Variants in TMA16 observed in about 807,000 individuals in gnomAD.
TMA16 encodes translation machinery associated 16 homolog.
TMA16 carries 26 observed loss-of-function variants against 27.1 expected under a neutral mutation model. The observed-to-expected ratio is 0.96, with a 90% confidence interval of 0.70 to 1.33. TMA16 has a LOEUF of 1.33. Ranked by LOEUF, TMA16 falls within the 40% of genes most tolerant of loss-of-function variation. The pLI is 0.00. For synonymous variants in TMA16, 71 were observed against 81.9 expected, an observed-to-expected ratio of 0.87 and a Z score of 0.72; for missense variants, 233 against 241.4, an observed-to-expected ratio of 0.97 and a Z score of 0.23.
chr4:163,509,021 T>G (rs1737754808), intron 2 of TMA16, among the ~76,000 whole-genome samples: 1 of 152,220 alleles, frequency 6.6e-6, no homozygotes, highest in African/African-American at 2.4e-5. Context: ...TAGATTGGAT[T>G]TTTTCCCTTT....
chr4:163,519,930 A>G lies in TMA16; in HGVS notation c.*416A>G. On this transcript the variant is annotated 3_prime_UTR_variant, in exon 7 of 7. Coordinates refer to ENST00000358572, the MANE Select transcript of TMA16 (RefSeq NM_018352.3). ...ATAGCAAAATTGTTTTTCGGTAATA[A>G]TATCACACTAATGCTTCTTTTAAAC... 7.0e-6 allele frequency: 4 copies of G among 567,604 alleles called. No homozygotes were observed. The highest frequency in any genetic ancestry group is 5.5e-5 in the South Asian group (3 of 54,188). The allele number at this position is 567,604 out of a possible 1,614,324, so 35.2% of individuals were successfully genotyped here. A position where few individuals can be genotyped will look rare whatever the true frequency, so the allele number is the denominator to read the frequency against.
In TMA16 at chr4:163,520,039, T is replaced by C. The variant is rs1309717063; in HGVS notation, c.*525T>C. ...CATTTCTGGATTATAGATTATTATT[T>C]ATCTTTTGAACCAGAGCTAAATGGT... On this transcript the variant is annotated 3_prime_UTR_variant, in exon 7 of 7. Coordinates refer to ENST00000358572, the MANE Select transcript of TMA16 (RefSeq NM_018352.3). The C allele has an allele frequency of 1.5e-5, 9 of 608,282 alleles. No homozygotes were observed. The highest frequency in any genetic ancestry group is 2.7e-5 in the Non-Finnish European group (9 of 332,732). 37.7% of individuals were successfully genotyped at this position (608,282 alleles called of 1,614,324 possible).
rs560866032 is a variant in TMA16 at position 163,520,242 on chromosome 4, A to C, written c.*728A>C. The C allele has an allele frequency of 7.4e-5, 18 of 243,496 alleles. No homozygotes were observed. In the South Asian group the frequency reaches 2.1e-3, roughly 28 times the overall value. The allele number at this position is 243,496 out of a possible 1,614,324, so 15.1% of individuals were successfully genotyped here. On this transcript the variant is annotated 3_prime_UTR_variant, in exon 7 of 7. Coordinates refer to ENST00000358572, the MANE Select transcript of TMA16 (RefSeq NM_018352.3). ...AGAGAGAGTTGAAGATTAGGGAACC[A>C]GTGATTTTAATTATGCTACTTTTTC...
intron 1 of TMA16, among the ~76,000 whole-genome samples, chr4:163,504,458 G>C (rs10050135): frequency 0.013 from 2,003 of 152,220 alleles, 47 homozygotes; most frequent in African/African-American, 0.045. Context: ...TTACTTGGGG[G>C]TGTGATTTCA....
chr4:163,499,864 G>A (rs1737621315), intron 1 of TMA16, among the ~76,000 whole-genome samples: 1 of 152,252 alleles, frequency 6.6e-6, no homozygotes, highest in South Asian at 2.1e-4. Context: ...AATAGTTAAT[G>A]CTAATCTAAA....
At position 163,513,478 on chromosome 4, in the gene TMA16, C is replaced by T. The variant is rs143909593; in HGVS notation, c.155-596C>T. Among the ~76,000 whole-genome samples the T allele has an allele frequency of 2.3e-4, 35 of 152,166 alleles. 1 individual carries two copies. In the East Asian group the frequency reaches 4.8e-3, roughly 21 times the overall value. On this transcript the variant is annotated intron_variant, in intron 3 of 6. Coordinates refer to ENST00000358572, the MANE Select transcript of TMA16 (RefSeq NM_018352.3). The stretch of plus-strand genomic sequence containing the variant: ...GAAATCTAACTGAAAGTGACCCTGA[C>T]GGTCAGGTTTACTCACAAGGGTGAA...
At chr4:163,515,580 CTTT>C (rs1373319109) in intron 5 of TMA16, 119 bp downstream of exon 5, 1 of 1,317,292 alleles carries the variant, frequency 7.6e-7, no homozygotes, top group Non-Finnish European at 1.0e-6. Context: ...CCTTTGATGT[CTTT>C]TTCTTTGTGA....
Position 163,507,054 on chromosome 4 carries a change from A to G in TMA16, c.25A>G (p.Ser9Gly), listed in dbSNP as rs1440510631. The change falls in exon 2 of 7, where the codon AGT becomes GGT. Residue 9 changes from serine (S) to glycine (G), a missense_variant. Physicochemically the swap from Ser to Gly is moderately conservative, Grantham distance 56. Coordinates refer to ENST00000358572, the MANE Select transcript of TMA16 (RefSeq NM_018352.3). ...TTAGCCCAAAGCACCAAAGGGAAAA[A>G]GTGCAGGACGGGAAAAAAAAGTCAT... MPKAPKGKSAGREKKVIHP... is the reference protein window; with the variant it reads MPKAPKGKGAGREKKVIHP... 6.3e-7 allele frequency: 1 copy of G among 1,591,324 alleles called. No homozygotes were observed. The highest frequency in any genetic ancestry group is 1.3e-5 in the African/African-American group (1 of 74,542).
intron 1 of TMA16, among the ~76,000 whole-genome samples, chr4:163,495,956 A>G (rs1377781692): frequency 6.6e-6 from 1 of 152,204 alleles, no homozygotes; most frequent in East Asian, 1.9e-4. Flanking sequence ...TATGAAAGCA[A>G]TTACATCTCA....
chr4:163,505,990 T>C (rs1737714150), intron 1 of TMA16, among the ~76,000 whole-genome samples: 1 of 152,232 alleles, frequency 6.6e-6, no homozygotes, highest in African/African-American at 2.4e-5. Context: ...TGTTTTTCTA[T>C]ATGAATGGAT....
At position 163,511,480 on chromosome 4, in the gene TMA16, A is replaced by G. The variant is rs113891972; in HGVS notation, c.117-1342A>G. Among the ~76,000 whole-genome samples the G allele has an allele frequency of 9.2e-3, 1,400 of 152,036 alleles. 15 individuals carry two copies. The highest frequency in any genetic ancestry group is 0.042 in the South Asian group (202 of 4,824). ...AAGTCCTTTGTTATTTGTGTTATGA[A>G]TATTTTCTCCTAATCTGTAACTTAA... is the stretch of plus-strand genomic sequence containing the variant. On this transcript the variant is annotated intron_variant, in intron 2 of 6. Transcript: ENST00000358572.
intron 1 of TMA16, among the ~76,000 whole-genome samples, chr4:163,502,481 A>G (rs1325936518): frequency 6.6e-6 from 1 of 152,168 alleles, no homozygotes; most frequent in Non-Finnish European, 1.5e-5. Flanking sequence ...TATTAAGGAA[A>G]TAACACACAA....
chr4:163,517,802 C>G (rs1737903687), intron 6 of TMA16, among the ~76,000 whole-genome samples: 1 of 152,034 alleles, frequency 6.6e-6, no homozygotes, highest in Non-Finnish European at 1.5e-5. Flanking sequence ...CGTGATGGCT[C>G]AGAGTCATAT....
At chr4:163,513,000 C>G in intron 3 of TMA16, 141 bp downstream of exon 3, 1 of 553,946 alleles carries the variant, frequency 1.8e-6, no homozygotes, top group Non-Finnish European at 3.0e-6. Flanking sequence ...CAAAGCAAAT[C>G]AATCATTAAA....
intron 1 of TMA16, among the ~76,000 whole-genome samples, chr4:163,498,555 G>A (rs1272730047): frequency 1.3e-5 from 2 of 152,060 alleles, no homozygotes; most frequent in Non-Finnish European, 2.9e-5. Context: ...CCAAAGTGCT[G>A]GGATTACAGG....
chr4:163,518,593 G>A (rs1737920348), intron 6 of TMA16, among the ~76,000 whole-genome samples: 2 of 151,868 alleles, frequency 1.3e-5, no homozygotes, highest in Admixed American at 1.3e-4. Context: ...CATGTTGAGG[G>A]GTCTTATATT....
chr4:163,509,455 C>T (rs1737760573), intron 2 of TMA16, among the ~76,000 whole-genome samples: 1 of 152,186 alleles, frequency 6.6e-6, no homozygotes, highest in Non-Finnish European at 1.5e-5. Flanking sequence ...TTAAAACAAA[C>T]ACAGTTTCTG....
At chr4:163,506,760 T>C (rs574375066) in intron 1 of TMA16, among the ~76,000 whole-genome samples, 1 of 152,288 alleles carries the variant, frequency 6.6e-6, no homozygotes, top group Non-Finnish European at 1.5e-5. Context: ...ATAGAACATG[T>C]TGTTGAAGAG....
intron 1 of TMA16, among the ~76,000 whole-genome samples, chr4:163,506,075 G>A (rs1382008028): frequency 6.6e-6 from 1 of 152,102 alleles, no homozygotes; most frequent in Non-Finnish European, 1.5e-5. Context: ...TGGTCAGTGG[G>A]ATGTGAGCAA....
Sources: allele counts gnomAD v4.1 joint callset (sites outside exome capture counted in the v4.1 genomes callset), GRCh38; gene constraint gnomAD v4.1.1; transcripts MANE v1.5; gene names NCBI Gene and HGNC (gene_info 2026-07-23, HGNC 2026-07-21).